C20orf203: variants seen among roughly 807,000 people sequenced by gnomAD.
C20orf203 encodes the protein chromosome 20 open reading frame 203.
C20orf203 carries 16 observed loss-of-function variants against 15.9 expected under a neutral mutation model. The observed-to-expected ratio is 1.01, with a 90% CI of 0.68 to 1.53. C20orf203 has a LOEUF of 1.53. C20orf203 is among the 40% of genes most tolerant of loss of function. C20orf203 has a pLI of 0.00. For missense variants in C20orf203, 263 were observed against 247.5 expected (o/e 1.06, Z -0.42); for synonymous variants, 98 against 97.2 (o/e 1.01, Z -0.05).
chr20:32,636,711 G>A (rs1017978126), intron 5 of C20orf203, among the ~76,000 whole-genome samples: 13 of 152,234 alleles, frequency 8.5e-5, no homozygotes, highest in African/African-American at 3.1e-4. Flanking sequence ...CCCAGGGAGG[G>A]CATATATCTC....
chr20:32,637,546 C>CCTCCCCA (rs1982170682), intron 5 of C20orf203, among the ~76,000 whole-genome samples: 1 of 152,200 alleles, frequency 6.6e-6, no homozygotes, highest in Non-Finnish European at 1.5e-5. Context: ...CAGATGATAG[C>CCTCCCCA]CTCCCCACTC....
At chr20:32,641,970 T>TG (rs780192199) in intron 4 of C20orf203, among the ~76,000 whole-genome samples, 1 of 152,130 alleles carries the variant, frequency 6.6e-6, no homozygotes, top group Admixed American at 6.5e-5. Context: ...CTTGAGTAGT[T>TG]GGGACTACAG....
At chr20:32,637,635 G>A (rs1159049936) in intron 5 of C20orf203, among the ~76,000 whole-genome samples, 1 of 152,072 alleles carries the variant, frequency 6.6e-6, no homozygotes, top group Non-Finnish European at 1.5e-5. Context: ...TTTCACTAGG[G>A]TCCGTCTCTT....
chr20:32,654,883 C>T (rs1982718377), intron 1 of C20orf203, among the ~76,000 whole-genome samples: 1 of 152,128 alleles, frequency 6.6e-6, no homozygotes, highest in Non-Finnish European at 1.5e-5. Flanking sequence ...TTGGAGTGCA[C>T]ACACTTCCAA....
At chr20:32,636,868 G>C (rs1270134035) in intron 5 of C20orf203, among the ~76,000 whole-genome samples, 1 of 152,226 alleles carries the variant, frequency 6.6e-6, no homozygotes, top group Non-Finnish European at 1.5e-5. Flanking sequence ...AGCAATGAAA[G>C]TCCAGTGTCC....
At chr20:32,643,586 A>C (rs1982340453) in intron 4 of C20orf203, among the ~76,000 whole-genome samples, 1 of 151,422 alleles carries the variant, frequency 6.6e-6, no homozygotes, top group African/African-American at 2.4e-5. Context: ...ATTGTCACAT[A>C]GGCCTGGGTG....
chr20:32,647,853 C>A (rs1982480150), intron 4 of C20orf203, among the ~76,000 whole-genome samples: 1 of 152,200 alleles, frequency 6.6e-6, no homozygotes, highest in Non-Finnish European at 1.5e-5. Flanking sequence ...CCAGCTCCTT[C>A]CCCAGCCTCA....
At chr20:32,665,570 A>G (rs541668163) in intron 1 of C20orf203, among the ~76,000 whole-genome samples, 1 of 152,366 alleles carries the variant, frequency 6.6e-6, no homozygotes, top group South Asian at 2.1e-4. Context: ...GGAACCAGAC[A>G]GAAGCTGGTG....
intron 4 of C20orf203, among the ~76,000 whole-genome samples, chr20:32,644,909 C>T (rs983584288): frequency 4.0e-5 from 6 of 151,862 alleles, no homozygotes; most frequent in African/African-American, 9.7e-5. Context: ...CTGAGGCTCT[C>T]GGTGGTAAAT....
At chr20:32,647,951 T>C (rs984255229) in intron 4 of C20orf203, among the ~76,000 whole-genome samples, 7 of 152,168 alleles carry the variant, frequency 4.6e-5, no homozygotes, top group African/African-American at 1.7e-4. Flanking sequence ...AATCCATTGA[T>C]GGCACCTACA....
chr20:32,644,563 A>G (rs1318168358), intron 4 of C20orf203, among the ~76,000 whole-genome samples: 2 of 152,136 alleles, frequency 1.3e-5, no homozygotes, highest in South Asian at 2.1e-4. Context: ...AAGGATCAGG[A>G]GTCCCCTGGG....
At chr20:32,665,602 G>A (rs1055061087) in intron 1 of C20orf203, among the ~76,000 whole-genome samples, 9 of 152,202 alleles carry the variant, frequency 5.9e-5, no homozygotes, top group African/African-American at 2.2e-4. Context: ...GCGCTGCCCA[G>A]TGGAAAACAA....
intron 1 of C20orf203, among the ~76,000 whole-genome samples, chr20:32,671,441 A>G (rs867800288): frequency 2.0e-5 from 3 of 152,376 alleles, no homozygotes; most frequent in Middle Eastern, 3.4e-3. Context: ...AGAAGGACAA[A>G]TAATGCATGA....
At chr20:32,645,893 A>C (rs1183803915) in intron 4 of C20orf203, among the ~76,000 whole-genome samples, 1 of 152,228 alleles carries the variant, frequency 6.6e-6, no homozygotes, top group Non-Finnish European at 1.5e-5. Context: ...TTGAGGATGG[A>C]GAAGTGTTAG....
intron 5 of C20orf203, among the ~76,000 whole-genome samples, chr20:32,637,850 G>T (rs536947441): frequency 6.6e-6 from 1 of 152,256 alleles, no homozygotes; most frequent in East Asian, 1.9e-4. Flanking sequence ...TGCCCTCTGC[G>T]TCACTGTGTG....
Position 32,650,752 on chromosome 20 carries a change from G to A in C20orf203, c.265C>T (p.His89Tyr), listed in dbSNP as rs1982594383. Residue 89 changes from histidine to tyrosine, a missense_variant, in exon 4 of 6, where the codon CAC becomes TAC. His to Tyr is a moderately conservative substitution (Grantham distance 83, BLOSUM62 2). Transcript: ENST00000608990. Reference protein sequence around the residue: ...SHQRQPPPPQHPGPYQERIWV... With the variant: ...SHQRQPPPPQYPGPYQERIWV... ...ATCCTTTCCTGATAAGGGCCTGGGT[G>A]TTGCGGAGGAGGAGGCTGGCGCTGG... 1.1e-5 allele frequency: 17 copies of A among 1,529,688 alleles called. No individual in the cohort carries two copies. Among genetic ancestry groups the A allele is most frequent in the Non-Finnish European group, 1.3e-5 (15 of 1,136,018 alleles). The allele number at this position is 1,529,688 out of a possible 1,614,324, so 94.8% of individuals were successfully genotyped here.
intron 1 of C20orf203, among the ~76,000 whole-genome samples, chr20:32,664,724 C>G (rs1337554178): frequency 6.6e-6 from 1 of 152,230 alleles, no homozygotes; most frequent in Non-Finnish European, 1.5e-5. Flanking sequence ...CGCTGCCACC[C>G]ACACCATCCC....
rs1195017184 is a variant in C20orf203, at chr20:32,633,335, T to G, written c.*2235A>C. The G allele has an allele frequency of 6.6e-6, 1 of 152,158 alleles. No homozygotes were observed. Among genetic ancestry groups the G allele is most frequent in the Non-Finnish European group, 1.5e-5 (1 of 68,024 alleles). The allele number at this position is 152,158 out of a possible 1,614,324, so 9.4% of individuals were successfully genotyped here. On this transcript the variant is annotated 3_prime_UTR_variant, in exon 6 of 6. Transcript: ENST00000608990. ...CCTGGGATGGCCACTGAAGTCCACC[T>G]GATGGTGATGATACTCTAGGAGGAC...
At chr20:32,672,995 T>C (rs1363649917) in intron 1 of C20orf203, among the ~76,000 whole-genome samples, 1 of 151,844 alleles carries the variant, frequency 6.6e-6, no homozygotes, top group African/African-American at 2.4e-5. Flanking sequence ...GAGTGAAGAA[T>C]ATGGGACTGG....
Sources: allele counts gnomAD v4.1 joint callset (sites outside exome capture counted in the v4.1 genomes callset), GRCh38; gene constraint gnomAD v4.1.1; transcripts MANE v1.5; gene names NCBI Gene and HGNC (gene_info 2026-07-23, HGNC 2026-07-21).